The following CHL1 variants were observed in gnomAD, a reference collection of about 807,000 sequenced individuals.
The protein encoded by CHL1 is cell adhesion molecule L1 like, also known as neural cell adhesion molecule L1-like protein.
In CHL1, 96 loss-of-function variants were observed where a neutral mutation model predicts 141.9. The observed-to-expected ratio is 0.68, with a 90% CI of 0.57 to 0.80. The LOEUF (loss-of-function observed/expected upper bound fraction) is 0.80. CHL1 is among the 30% of genes least tolerant of loss of function. The probability of loss-of-function intolerance (pLI) is 0.00; values close to 1 mark genes in which losing one functional copy is unlikely to be tolerated. For missense variants in CHL1, 1,820 were observed against 1,457.2 expected, an observed-to-expected ratio of 1.25 and a Z score of -4.05; for synonymous variants, 613 against 502.2, an observed-to-expected ratio of 1.22 and a Z score of -2.95.
chr3:237,241 T>A (rs568787205), intron 1 of CHL1, among the ~76,000 whole-genome samples: 2 of 152,212 alleles, frequency 1.3e-5, no homozygotes, highest in South Asian at 2.1e-4. Flanking sequence ...GATCTGATGG[T>A]TTAAAAGTGT....
intron 27 of CHL1, among the ~76,000 whole-genome samples, chr3:402,882 A>G (rs759156419): frequency 2.0e-5 from 3 of 152,234 alleles, no homozygotes; most frequent in Non-Finnish European, 4.4e-5. Context: ...ATTAGTTAGC[A>G]GTTGCCTCAT....
intron 2 of CHL1, among the ~76,000 whole-genome samples, chr3:255,647 A>G (rs921095028): frequency 1.3e-5 from 2 of 152,230 alleles, no homozygotes; most frequent in Non-Finnish European, 2.9e-5. Context: ...TAAAAAATGC[A>G]AAGATAAATG....
intron 15 of CHL1, among the ~76,000 whole-genome samples, chr3:367,245 C>G (rs561928391): frequency 6.4e-4 from 98 of 152,320 alleles, no homozygotes; most frequent in Non-Finnish European, 1.2e-3. Context: ...CATCTTGGAG[C>G]CAAATCTCCC....
At chr3:405,131 TTAAC>T (rs1390761557) in intron 27 of CHL1, among the ~76,000 whole-genome samples, 1 of 152,146 alleles carries the variant, frequency 6.6e-6, no homozygotes, top group African/African-American at 2.4e-5. Context: ...TTATCAGGTT[TTAAC>T]ATAGGAAGCT....
intron 1 of CHL1, among the ~76,000 whole-genome samples, chr3:225,627 G>GTC (rs1342099325): frequency 6.6e-6 from 1 of 151,924 alleles, no homozygotes; most frequent in Non-Finnish European, 1.5e-5. Context: ...CACACTTATA[G>GTC]TCACACACAC....
At chr3:389,176 A>C in intron 19 of CHL1, 76 bp from the exon 20 acceptor site, 8 of 1,110,764 alleles carry the variant, frequency 7.2e-6, no homozygotes, top group Middle Eastern at 2.8e-4. Flanking sequence ...TCCTTATTCC[A>C]CTTAGGGTGG....
In CHL1 at chr3:389,411, G is replaced by A; in HGVS notation, c.2407G>A (p.Ala803Thr). 1 of 1,614,196 alleles carries A rather than the reference G, an allele frequency of 6.2e-7. No individual in the cohort carries two copies. The highest frequency in any genetic ancestry group is 8.5e-7 in the Non-Finnish European group (1 of 1,180,046). ...VYAPYDVKVQAINQLGSGPDP... is the reference protein window; with the variant it reads ...VYAPYDVKVQTINQLGSGPDP... ...TGCCCCTTATGATGTCAAGGTCCAG[G>A]CTATCAATCAACTAGGATCTGGGCC... is the stretch of plus-strand genomic sequence containing the variant. The change falls in exon 20 of 28, where the codon GCT becomes ACT. Residue 803 changes from alanine to threonine, a missense_variant. Coordinates refer to ENST00000256509, the MANE Select transcript of CHL1 (RefSeq NM_006614.4).
chr3:328,440 C>A, intron 5 of CHL1, 86 bp downstream of exon 5: 2 of 1,112,720 alleles, frequency 1.8e-6, no homozygotes, highest in Non-Finnish European at 2.5e-6. Context: ...TGAAATAAAG[C>A]AGTTATTAAC....
intron 5 of CHL1, among the ~76,000 whole-genome samples, chr3:334,141 T>C (rs1225909602): frequency 6.6e-6 from 1 of 152,120 alleles, no homozygotes; most frequent in Non-Finnish European, 1.5e-5. Context: ...TTTTTTGAAG[T>C]ATAATTTACA....
intron 17 of CHL1, 33 bp from the exon 18 acceptor site, chr3:382,441 A>G (rs1575236799): frequency 1.9e-6 from 3 of 1,571,166 alleles, no homozygotes; most frequent in Non-Finnish European, 1.8e-6. Flanking sequence ...TACTCCATAC[A>G]TTCTAATATT....
In CHL1 at chr3:211,684, C is replaced by T. The variant is rs138334912; in HGVS notation, c.-175+14621C>T. On this transcript the variant is annotated intron_variant, in intron 1 of 27. Transcript: ENST00000256509. ...TTCCCCTCACAGTCTTGCCAAAAAGCACTTATAAAGTATTGCACCGTAGTT... is the reference window on the plus strand; with the variant it reads ...TTCCCCTCACAGTCTTGCCAAAAAGTACTTATAAAGTATTGCACCGTAGTT... 2.0e-3 allele frequency among the ~76,000 whole-genome samples: 309 copies of T among 152,238 alleles called. 2 individuals carry two copies. Among genetic ancestry groups the T allele is most frequent in the Non-Finnish European group, 1.9e-3 (132 of 68,016 alleles).
intron 2 of CHL1, among the ~76,000 whole-genome samples, chr3:281,277 C>T (rs1696627327): frequency 6.6e-6 from 1 of 152,150 alleles, no homozygotes; most frequent in South Asian, 2.1e-4. Context: ...TCCACTACTA[C>T]TCCCCACAAA....
chr3:332,885 G>T (rs1701548808), intron 5 of CHL1, among the ~76,000 whole-genome samples: 1 of 151,992 alleles, frequency 6.6e-6, no homozygotes, highest in Non-Finnish European at 1.5e-5. Flanking sequence ...AAATTCTAGG[G>T]GTTGCTATGG....
chr3:342,454 G>A (rs1172765636), intron 7 of CHL1, among the ~76,000 whole-genome samples: 2 of 152,190 alleles, frequency 1.3e-5, no homozygotes, highest in African/African-American at 4.8e-5. Flanking sequence ...AACAACAGAG[G>A]CAAAAAGATG....
chr3:265,578 G>A (rs2125218842), intron 2 of CHL1, among the ~76,000 whole-genome samples: 1 of 152,226 alleles, frequency 6.6e-6, no homozygotes, highest in East Asian at 1.9e-4. Context: ...GTTCCAATGG[G>A]GGATGATATG....
At chr3:383,586 C>G (rs936587003) in intron 18 of CHL1, among the ~76,000 whole-genome samples, 8 of 152,116 alleles carry the variant, frequency 5.3e-5, no homozygotes, top group African/African-American at 1.4e-4. Flanking sequence ...AAACCATCTA[C>G]TCTCCACTGG....
intron 2 of CHL1, among the ~76,000 whole-genome samples, chr3:291,470 T>TTA (rs1559208717): frequency 6.6e-6 from 1 of 151,610 alleles, no homozygotes; most frequent in Non-Finnish European, 1.5e-5. Context: ...TTCTTTTTTT[T>TTA]AACCTCAGAA....
In CHL1 at chr3:391,174, A is replaced by G; in HGVS notation, c.2791+15A>G. ...ACCAGAAGGAGGTGAGAGGATAATGATGTAGAGTCATGTCAAAAATGGAGG... is the reference window on the plus strand; with the variant it reads ...ACCAGAAGGAGGTGAGAGGATAATGGTGTAGAGTCATGTCAAAAATGGAGG... On this transcript the variant is annotated intron_variant, in intron 22 of 27. Transcript: ENST00000256509. 6.4e-7 allele frequency: 1 copy of G among 1,569,340 alleles called. No homozygotes were observed. Among genetic ancestry groups the G allele is most frequent in the South Asian group, 1.1e-5 (1 of 90,038 alleles).
At chr3:215,203 A>G (rs1700217204) in intron 1 of CHL1, among the ~76,000 whole-genome samples, 1 of 152,204 alleles carries the variant, frequency 6.6e-6, no homozygotes, top group South Asian at 2.1e-4. Flanking sequence ...AATGTGGTGT[A>G]TATATACACA....
Sources: allele counts gnomAD v4.1 joint callset (sites outside exome capture counted in the v4.1 genomes callset), GRCh38; gene constraint gnomAD v4.1.1; transcripts MANE v1.5; gene names NCBI Gene and HGNC (gene_info 2026-07-23, HGNC 2026-07-21).